Variants in FAM47E observed in about 807,000 individuals in gnomAD.
The protein encoded by FAM47E is family with sequence similarity 47 member E.
Under a neutral mutation model 41.6 loss-of-function variants are expected in FAM47E, and 32 were observed. That is an observed-to-expected ratio of 0.77 (90% CI 0.58 to 1.03). FAM47E has a LOEUF of 1.03. Ranked by LOEUF, FAM47E falls within the 50% of genes least tolerant of loss-of-function variation. The pLI, the probability that FAM47E is intolerant of heterozygous loss-of-function variation, is 0.00. For missense variants in FAM47E, 424 were observed against 485.4 expected, an observed-to-expected ratio of 0.87 and a Z score of 1.19; for synonymous variants, 184 against 188.7, an observed-to-expected ratio of 0.98 and a Z score of 0.20.
chr4:76,227,169 G>A (rs1733412720), intron 2 of FAM47E, among the ~76,000 whole-genome samples: 1 of 152,122 alleles, frequency 6.6e-6, no homozygotes, highest in African/African-American at 2.4e-5. Flanking sequence ...AAAGTTTGAT[G>A]AACTTTCCTC....
chr4:76,238,881 T>C (rs1384125558), intron 2 of FAM47E, among the ~76,000 whole-genome samples: 1 of 152,178 alleles, frequency 6.6e-6, no homozygotes, highest in Non-Finnish European at 1.5e-5. Context: ...CTTTCCATCT[T>C]GCAAAACTGT....
At chr4:76,281,896 G>A (rs1735363171) in intron 7 of FAM47E, 1 of 152,174 alleles carries the variant, frequency 6.6e-6, no homozygotes, top group Admixed American at 6.5e-5. Context: ...CCGCCTTCTG[G>A]TCCCACGGTG....
Position 76,280,294 on chromosome 4 carries a change from G to T in FAM47E, c.1057G>T (p.Val353Phe). 6.4e-7 allele frequency: 1 copy of T among 1,550,884 alleles called. No homozygotes were observed. Among genetic ancestry groups the T allele is most frequent in the Non-Finnish European group, 8.7e-7 (1 of 1,146,352 alleles). ...EELLADLHGT[V>F]AFKDFILSRG... is the part of the protein sequence containing the mutation. The stretch of plus-strand genomic sequence containing the variant: ...GTTACTTGCAGACCTTCACGGAACA[G>T]TTGCCTTTAAGGATTTCATTCTAAG... The change falls in exon 7 of 8, where the codon GTT becomes TTT. Residue 353 changes from valine to phenylalanine, a missense_variant. Coordinates refer to ENST00000424749, the MANE Select transcript of FAM47E (RefSeq NM_001136570.3).
intron 2 of FAM47E, among the ~76,000 whole-genome samples, chr4:76,244,807 G>A (rs893968976): frequency 2.0e-5 from 3 of 152,016 alleles, no homozygotes; most frequent in South Asian, 2.1e-4. Context: ...CAAAGTGTTG[G>A]GATTACAGGC....
intron 1 of FAM47E, among the ~76,000 whole-genome samples, chr4:76,253,719 A>C (rs544013697): frequency 6.6e-6 from 1 of 151,952 alleles, no homozygotes; most frequent in East Asian, 1.9e-4. Flanking sequence ...TGGAGGGATT[A>C]CTTGAGTCTG....
intron 2 of FAM47E, among the ~76,000 whole-genome samples, chr4:76,246,246 A>G (rs1733824177): frequency 6.6e-6 from 1 of 152,146 alleles, no homozygotes; most frequent in African/African-American, 2.4e-5. Flanking sequence ...CACTCTCTAC[A>G]AGATCAGCAA....
At chr4:76,234,144 A>T (rs1733541613) in intron 2 of FAM47E, among the ~76,000 whole-genome samples, 1 of 151,976 alleles carries the variant, frequency 6.6e-6, no homozygotes, top group South Asian at 2.1e-4. Context: ...GGTGGAGGGG[A>T]GCCGCTGCTC....
At chr4:76,219,967 T>C (rs1165088797) in intron 2 of FAM47E, among the ~76,000 whole-genome samples, 1 of 152,204 alleles carries the variant, frequency 6.6e-6, no homozygotes, top group Non-Finnish European at 1.5e-5. Flanking sequence ...TAAATACTGT[T>C]TCTTTTTAGT....
chr4:76,236,671 G>A (rs1157579975), intron 2 of FAM47E: 1 of 148,816 alleles, frequency 6.7e-6, no homozygotes, highest in Non-Finnish European at 1.5e-5. Flanking sequence ...ACTGAAAGTG[G>A]TGGGGTAGGG....
chr4:76,282,645 G>A (rs952323810), intron 7 of FAM47E: 1 of 152,154 alleles, frequency 6.6e-6, no homozygotes, highest in African/African-American at 2.4e-5. Flanking sequence ...AATAGTTTCA[G>A]GGGGTCTCCC....
At chr4:76,214,475 G>C in intron 1 of FAM47E, 1 of 364,600 alleles carries the variant, frequency 2.7e-6, no homozygotes, top group Non-Finnish European at 5.5e-6. Context: ...GAAGCAAGAA[G>C]GAAGTTCCTT....
chr4:76,233,726 C>T (rs1733533234), intron 2 of FAM47E, among the ~76,000 whole-genome samples: 1 of 152,072 alleles, frequency 6.6e-6, no homozygotes, highest in Non-Finnish European at 1.5e-5. Context: ...CCACAGCAGG[C>T]TCATCCCCTA....
Position 76,271,736 on chromosome 4 carries a change from C to A in FAM47E, c.838C>A (p.Leu280Ile). 6.4e-7 allele frequency: 1 copy of A among 1,551,636 alleles called. No individual in the cohort carries two copies. Among genetic ancestry groups the A allele is most frequent in the Non-Finnish European group, 8.7e-7 (1 of 1,146,950 alleles). The change falls in exon 5 of 8, where the codon CTA becomes ATA. Residue 280 changes from leucine to isoleucine, a missense_variant. Leu to Ile is a conservative substitution (Grantham distance 5, BLOSUM62 2). Coordinates refer to ENST00000424749, the MANE Select transcript of FAM47E (RefSeq NM_001136570.3). ...KLQETEFFQK[L>I]GYERKLQKPQ... ...GCAGGAGACAGAGTTCTTCCAGAAA[C>A]TAGGCTATGAGAGGAAACTCCAGAA...
chr4:76,233,143 C>G (rs1198467313), intron 2 of FAM47E, among the ~76,000 whole-genome samples: 1 of 152,190 alleles, frequency 6.6e-6, no homozygotes, highest in Non-Finnish European at 1.5e-5. Context: ...TTCCAGTAGT[C>G]TCAATTACAT....
chr4:76,281,347 A>T (rs1162167922), intron 7 of FAM47E: 1 of 152,184 alleles, frequency 6.6e-6, no homozygotes, highest in Non-Finnish European at 1.5e-5. Flanking sequence ...TGAGACTGGG[A>T]AACTCCATTA....
In FAM47E at chr4:76,256,366, A is replaced by G; in HGVS notation, c.263A>G (p.Lys88Arg). 6.4e-7 allele frequency: 1 copy of G among 1,551,830 alleles called. No homozygotes were observed. Among genetic ancestry groups the G allele is most frequent in the African/African-American group, 1.4e-5 (1 of 73,126 alleles). ...CACAGAGCTCCCCAACTGGCCCCAA[A>G]GAAGAGGCAGATCAAGCTGCTCAAG... Reference protein sequence around the residue: ...IYHRAPQLAPKKRQIKLLKEA... With the variant: ...IYHRAPQLAPRKRQIKLLKEA... The change falls in exon 2 of 8, where the codon AAG becomes AGG. Residue 88 changes from lysine to arginine, a missense_variant. Physicochemically the swap from Lys to Arg is conservative, Grantham distance 26 (BLOSUM62 2). Transcript: ENST00000424749.
Position 76,252,195 on chromosome 4 carries a change from G to C in FAM47E, c.74+375G>C, listed in dbSNP as rs558442726. On this transcript the variant is annotated intron_variant, in intron 1 of 7. Coordinates refer to ENST00000424749, the MANE Select transcript of FAM47E (RefSeq NM_001136570.3). ...CGCCAGATGCCCCGGGGCGCCTGGAGCCCTGTATCCGATGTTAGGCATCTG... is the reference window on the plus strand; with the variant it reads ...CGCCAGATGCCCCGGGGCGCCTGGACCCCTGTATCCGATGTTAGGCATCTG... 7.9e-5 allele frequency among the ~76,000 whole-genome samples: 12 copies of C among 152,268 alleles called. No homozygotes were observed. In the South Asian group the frequency reaches 2.5e-3, roughly 32 times the overall value.
rs890597778 is a variant in FAM47E at position 76,214,488 on chromosome 4, G to A, written c.-30+64G>A. The A allele has an allele frequency of 2.0e-4, 74 of 362,374 alleles. 2 individuals carry two copies. The highest frequency in any genetic ancestry group is 1.5e-3 in the South Asian group (73 of 49,324). 22.4% of individuals were successfully genotyped at this position (362,374 alleles called of 1,614,324 possible). A position where few individuals can be genotyped will look rare whatever the true frequency, so the allele number is the denominator to read the frequency against. On this transcript the variant is annotated intron_variant, in intron 1 of 7. Coordinates refer to the FAM47E transcript ENST00000510197. ...AGGAAGCAAGAAGGAAGTTCCTTTT[G>A]ACTGTAGGCTCAGGTGTTCAGGGGG...
At chr4:76,219,525 CGA>C (rs1560726505) in intron 2 of FAM47E, among the ~76,000 whole-genome samples, 1 of 151,982 alleles carries the variant, frequency 6.6e-6, no homozygotes, top group Non-Finnish European at 1.5e-5. Flanking sequence ...ATAAACAACA[CGA>C]GAGGTCACAG....
Sources: gnomAD v4.1 joint callset for allele counts (sites outside exome capture counted in the v4.1 genomes callset) on GRCh38, gnomAD v4.1.1 for gene constraint, MANE v1.5 for transcripts, NCBI Gene and HGNC (gene_info 2026-07-23, HGNC 2026-07-21) for gene names.